ESPL1: variants seen among roughly 807,000 people sequenced by gnomAD.
ESPL1 encodes the protein extra spindle pole bodies like 1, separase.
Under a neutral mutation model 217.2 loss-of-function variants are expected in ESPL1, and 50 were observed. The ratio of observed to expected loss-of-function variants is 0.23; its 90% CI spans 0.18 to 0.29. ESPL1 has a LOEUF of 0.29. ESPL1 is among the 10% of genes least tolerant of loss of function. ESPL1 has a pLI of 1.00. For synonymous variants in ESPL1, 994 were observed against 1,081.3 expected (o/e 0.92, Z 1.58); for missense variants, 1,834 against 2,603.0 (o/e 0.70, Z 6.43).
chr12:53,273,033 ATT>A (rs1287601708), intron 6 of ESPL1, among the ~76,000 whole-genome samples, 176 bp downstream of exon 6: 20 of 122,922 alleles, frequency 1.6e-4, no homozygotes, highest in African/African-American at 3.6e-4. Context: ...CTGTTGACTC[ATT>A]TTTTTTTTTT....
chr12:53,276,444 G>T (rs1383580211), intron 7 of ESPL1, among the ~76,000 whole-genome samples, 176 bp from the exon 8 acceptor site: 1 of 152,230 alleles, frequency 6.6e-6, no homozygotes, highest in Non-Finnish European at 1.5e-5. Context: ...GATTCCTAGT[G>T]GGAGCCCACT....
intron 7 of ESPL1, among the ~76,000 whole-genome samples, chr12:53,275,858 GC>G (rs1943758457): frequency 6.6e-6 from 1 of 151,836 alleles, no homozygotes; most frequent in Non-Finnish European, 1.5e-5. Context: ...GAGCCAGTGC[GC>G]CCAGCCTTCA....
rs1442738716 is a variant in ESPL1, at chr12:53,288,235, T to C, written c.4440T>C (p.Pro1480=). ...RPQRASDQAR[P]GPEIMRTIPE... Reference sequence around the variant, plus strand: ...AGAGGGCCAGTGACCAGGCCAGGCCTGGCCCTGAGATCATGAGGACCATCC... The same window carrying C: ...AGAGGGCCAGTGACCAGGCCAGGCCCGGCCCTGAGATCATGAGGACCATCC... The change falls in exon 19 of 31, where the codon CCT becomes CCC. Residue 1480 remains proline, a synonymous_variant. Coordinates refer to ENST00000257934, the MANE Select transcript of ESPL1 (RefSeq NM_012291.5). 1 of 1,609,962 alleles carries C rather than the reference T, an allele frequency of 6.2e-7. No individual in the cohort carries two copies.
chr12:53,273,062 G>A (rs1210388784), intron 6 of ESPL1, among the ~76,000 whole-genome samples: 1 of 141,384 alleles, frequency 7.1e-6, no homozygotes, highest in Non-Finnish European at 1.5e-5. Flanking sequence ...TTTGAGACGA[G>A]TCTCGCTCTG....
chr12:53,286,231 G>A lies in ESPL1; in HGVS notation c.3495G>A (p.Leu1165=). ...CAGCAGTCTGTCTGCGCTGGGTATT[G>A]GTCACGGCAGGGGTGAGGCTGGCCA... The part of the protein sequence containing the change: ...VLTAVCLRWV[L]VTAGVRLAMG... Residue 1165 remains leucine (L), a synonymous_variant, in exon 18 of 31, where the codon TTG becomes TTA. Coordinates refer to ENST00000257934, the MANE Select transcript of ESPL1 (RefSeq NM_012291.5). The surrounding 1 kb of genome is among the most constrained non-coding windows in gnomAD (Gnocchi z 5.3). The A allele has an allele frequency of 6.2e-6, 10 of 1,614,272 alleles. No individual in the cohort carries two copies. The highest frequency in any genetic ancestry group is 8.5e-6 in the Non-Finnish European group (10 of 1,180,056).
In ESPL1 at chr12:53,291,900, T is replaced by C. The variant is rs191350676; in HGVS notation, c.5691+40T>C. The C allele has an allele frequency of 1.8e-5, 28 of 1,589,748 alleles. No homozygotes were observed. The East Asian group carries it at 6.3e-4, about 36-fold the overall frequency. On this transcript the variant is annotated intron_variant, in intron 26 of 30. Coordinates refer to ENST00000257934, the MANE Select transcript of ESPL1 (RefSeq NM_012291.5). ...CAGAGGGGCAGTGTCTAGTGGGGAG[T>C]GAATACCAACTCATCCCCATGCCCC...
In ESPL1 at chr12:53,293,516, G is replaced by T. The variant is rs749500786; in HGVS notation, c.*42G>T. ...TATTGATGCTAGAAGCCTCATAACT[G>T]TTCTACCTCCAAGGTTAGATTTAAT... On this transcript the variant is annotated 3_prime_UTR_variant, in exon 31 of 31. Transcript: ENST00000257934. This position sits in a 1 kb window ranked among gnomAD's most constrained non-coding sequence, Gnocchi z 4.2. 11 of 1,425,144 alleles carry T rather than the reference G, an allele frequency of 7.7e-6. No individual in the cohort carries two copies. The highest frequency in any genetic ancestry group is 9.9e-6 in the Non-Finnish European group (10 of 1,010,176). The allele number at this position is 1,425,144 out of a possible 1,614,324, so 88.3% of individuals were successfully genotyped here.
In ESPL1 at chr12:53,293,152, G is replaced by T. The variant is rs1057274011; in HGVS notation, c.6162-121G>T. 9.8e-7 allele frequency: 1 copy of T among 1,016,550 alleles called. No individual in the cohort carries two copies. Among genetic ancestry groups the T allele is most frequent in the Admixed American group, 2.1e-5 (1 of 48,028 alleles). The allele number at this position is 1,016,550 out of a possible 1,614,324, so 63.0% of individuals were successfully genotyped here. ...TTCTGTTCTTCTCTTGTAACCAAGG[G>T]CCAAAGGAGTTTCTCATTGGTTCAA... On this transcript the variant is annotated intron_variant, in intron 30 of 30. Transcript: ENST00000257934. This position sits in a 1 kb window ranked among gnomAD's most constrained non-coding sequence, Gnocchi z 4.2.
intron 24 of ESPL1, 147 bp from the exon 25 acceptor site, chr12:53,290,694 A>C: frequency 2.3e-4 from 1 of 4,440 alleles, no homozygotes; most frequent in African/African-American, 6.6e-4. Context: ...AAAACGACTT[A>C]AACCCAACTA....
intron 12 of ESPL1, among the ~76,000 whole-genome samples, chr12:53,281,230 C>T (rs1251471422): frequency 2.0e-5 from 3 of 148,436 alleles, no homozygotes; most frequent in East Asian, 2.1e-4. Context: ...CTCTGCCTCT[C>T]GGGTTCAAGT....
Position 53,288,096 on chromosome 12 carries a change from T to C in ESPL1, c.4301T>C (p.Leu1434Pro). The C allele has an allele frequency of 1.2e-6, 2 of 1,613,668 alleles. No homozygotes were observed. Among genetic ancestry groups the C allele is most frequent in the Non-Finnish European group, 1.7e-6 (2 of 1,179,952 alleles). The change falls in exon 19 of 31, where the codon CTA becomes CCA. Residue 1434 changes from leucine (L) to proline (P), a missense_variant. This residue lies in a region of ESPL1 where 681 missense variants were observed against 808.0 expected (regional missense o/e 0.84). Coordinates refer to ENST00000257934, the MANE Select transcript of ESPL1 (RefSeq NM_012291.5). ...GRGRARKGLS[L>P]KTDAVVAPGS... is the part of the protein sequence containing the mutation. ...GGGCGAGCAAGGAAGGGCCTGAGCC[T>C]AAAGACGGATGCCGTGGTTGCCCCA...
intron 12 of ESPL1, 96 bp downstream of exon 12, chr12:53,279,962 C>T (rs1182846277): frequency 1.5e-5 from 21 of 1,372,026 alleles, no homozygotes; most frequent in Admixed American, 1.2e-4. Flanking sequence ...GGCAGCTTCT[C>T]GGCCTTTTAC....
intron 11 of ESPL1, 141 bp downstream of exon 11, chr12:53,278,101 A>G (rs1943801709): frequency 4.4e-6 from 4 of 907,272 alleles, no homozygotes; most frequent in Non-Finnish European, 3.4e-6. Flanking sequence ...CACCAGTCTT[A>G]TTTTAAATCC....
chr12:53,269,180 C>G lies in ESPL1; in HGVS notation c.238C>G (p.Leu80Val), dbSNP rs150717889. 1.1e-4 allele frequency: 178 copies of G among 1,614,064 alleles called. No homozygotes were observed. The highest frequency in any genetic ancestry group is 1.4e-4 in the Non-Finnish European group (167 of 1,180,030). ...GGGGAGCCTGCTGGAGCTGGCAGAG[C>G]TGGCCTGTGATGGCTACTTAGTGTC... Reference protein sequence around the residue: ...HLGSLLELAELACDGYLVSTP... With the variant: ...HLGSLLELAEVACDGYLVSTP... Residue 80 changes from leucine (L) to valine (V), a missense_variant, in exon 3 of 31, where the codon CTG (leucine) becomes GTG (valine). Around this residue, in one of 5 missense-constraint regions of ESPL1, gnomAD observed 746 missense variants for 1,077.0 expected, o/e 0.69. Transcript: ENST00000257934. The surrounding 1 kb of genome is among the most constrained non-coding windows in gnomAD (Gnocchi z 6.7).
chr12:53,268,949 A>G (rs760936390), intron 2 of ESPL1, 75 bp from the exon 3 acceptor site: 20 of 1,496,648 alleles, frequency 1.3e-5, no homozygotes, highest in Admixed American at 1.7e-5. Flanking sequence ...CTCTCTGAGT[A>G]ACCCTATTTC....
intron 6 of ESPL1, among the ~76,000 whole-genome samples, chr12:53,273,185 C>A (rs1190161062): frequency 6.6e-6 from 1 of 151,316 alleles, no homozygotes; most frequent in Non-Finnish European, 1.5e-5. Context: ...ATTACAGGTG[C>A]CCACCACCAC....
At chr12:53,268,884 TC>T in intron 2 of ESPL1, 37 bp downstream of exon 2, 1 of 1,570,204 alleles carries the variant, frequency 6.4e-7, no homozygotes, top group Non-Finnish European at 8.7e-7. Flanking sequence ...CACCTGGCTT[TC>T]CAAACTGAGC....
At chr12:53,288,744 C>A in intron 20 of ESPL1, 45 bp downstream of exon 20, 2 of 1,544,096 alleles carry the variant, frequency 1.3e-6, no homozygotes, top group Non-Finnish European at 1.8e-6. Flanking sequence ...GAGGGCTGAG[C>A]CTCTAGGGCT....
chr12:53,272,086 CAAAA>C (rs33920201), intron 5 of ESPL1, among the ~76,000 whole-genome samples: 6 of 137,112 alleles, frequency 4.4e-5, no homozygotes, highest in Admixed American at 1.4e-4. Context: ...GACTCTGTCT[CAAAA>C]AAAAAAAAAA....
Sources: allele counts gnomAD v4.1 joint callset (sites outside exome capture counted in the v4.1 genomes callset), GRCh38; gene constraint gnomAD v4.1.1; regional missense constraint gnomAD v4.1.1; non-coding constraint Gnocchi (gnomAD v3.1); transcripts MANE v1.5; gene names NCBI Gene and HGNC (gene_info 2026-07-23, HGNC 2026-07-21).